The following LPP variants were observed in gnomAD, a reference collection of about 807,000 sequenced individuals.
LPP encodes the protein lipoma-preferred partner.
LPP carries 38 observed loss-of-function variants against 60.4 expected under a neutral mutation model. That is an observed-to-expected ratio of 0.63 (90% CI 0.49 to 0.83). LPP has a LOEUF of 0.83. Among genes scored for constraint, LPP ranks in the 40% least tolerant of loss-of-function variants. The pLI, the probability that LPP is intolerant of heterozygous loss-of-function variation, is 0.00. For synonymous variants in LPP, 328 were observed against 290.8 expected, an observed-to-expected ratio of 1.13 and a Z score of -1.30; for missense variants, 902 against 783.6, an observed-to-expected ratio of 1.15 and a Z score of -1.80.
At chr3:188,607,396 T>TATATATATATAG (rs1560628547) in intron 6 of LPP, among the ~76,000 whole-genome samples, 2 of 30,840 alleles carry the variant, frequency 6.5e-5, no homozygotes, top group African/African-American at 3.0e-4. Context: ...TATATATATA[T>TATATATATATAG]ATATATATAT....
At chr3:188,418,870 T>C (rs1787039326) in intron 4 of LPP, among the ~76,000 whole-genome samples, 1 of 152,202 alleles carries the variant, frequency 6.6e-6, no homozygotes, top group African/African-American at 2.4e-5. Flanking sequence ...CTTAAACTTT[T>C]CAGATATCAG....
At chr3:188,500,591 CCTT>C (rs540742913) in intron 5 of LPP, among the ~76,000 whole-genome samples, 5 of 151,896 alleles carry the variant, frequency 3.3e-5, no homozygotes, top group Non-Finnish European at 7.4e-5. Flanking sequence ...GGAAGTGTTT[CCTT>C]CTTTTTAATT....
chr3:188,798,768 C>T (rs182133011), intron 9 of LPP, among the ~76,000 whole-genome samples: 9 of 118,680 alleles, frequency 7.6e-5, no homozygotes, highest in Admixed American at 5.5e-4. Flanking sequence ...GGGAAGCCCA[C>T]GCTGGGAAGA....
In LPP at chr3:188,736,187, A is replaced by G. The variant is rs186640376; in HGVS notation, c.1241-23926A>G. The stretch of plus-strand genomic sequence containing the variant: ...GAACAGATTTTCTCTGTGCTTTATA[A>G]TAAAACATAAAGATCAATCACAAAA... On this transcript the variant is annotated intron_variant, in intron 8 of 11. Transcript: ENST00000617246. 2.5e-3 allele frequency among the ~76,000 whole-genome samples: 376 copies of G among 152,322 alleles called. 2 individuals carry two copies. The highest frequency in any genetic ancestry group is 3.9e-3 in the Non-Finnish European group (262 of 68,028).
intron 4 of LPP, among the ~76,000 whole-genome samples, chr3:188,413,956 A>G (rs1785506681): frequency 6.6e-6 from 1 of 152,174 alleles, no homozygotes; most frequent in African/African-American, 2.4e-5. Flanking sequence ...TTTTTAAACC[A>G]TAAAATACCT....
At chr3:188,386,264 G>GCACA (rs1277848531) in intron 3 of LPP, among the ~76,000 whole-genome samples, 60 of 99,326 alleles carry the variant, frequency 6.0e-4, no homozygotes, top group South Asian at 2.5e-3. Context: ...TAGCATGCGC[G>GCACA]CACACACACA....
chr3:188,679,964 T>C (rs766851177), intron 7 of LPP, among the ~76,000 whole-genome samples: 3 of 152,192 alleles, frequency 2.0e-5, no homozygotes, highest in Non-Finnish European at 2.9e-5. Context: ...CTAAAGTTCA[T>C]TGGTTTTAAT....
At chr3:188,384,879 G>C (rs1229907446) in intron 3 of LPP, among the ~76,000 whole-genome samples, 1 of 150,316 alleles carries the variant, frequency 6.7e-6, no homozygotes, top group East Asian at 1.9e-4. Context: ...CAGAGAGATA[G>C]AGGCATGCCC....
chr3:188,826,663 ACACCAGCAC>A (rs747109043), intron 9 of LPP, among the ~76,000 whole-genome samples: 1 of 151,798 alleles, frequency 6.6e-6, no homozygotes, highest in Non-Finnish European at 1.5e-5. Context: ...CAAGCTCCCC[ACACCAGCAC>A]CACCAGCATG....
intron 3 of LPP, among the ~76,000 whole-genome samples, chr3:188,385,270 C>T (rs1028170722): frequency 3.9e-5 from 6 of 152,094 alleles, no homozygotes; most frequent in Admixed American, 2.0e-4. Context: ...ATGAACTTTA[C>T]AAAATCTCTT....
At position 188,874,625 on chromosome 3, in the gene LPP, T is replaced by C. The variant is rs1194827446; in HGVS notation, c.*146T>C. On this transcript the variant is annotated 3_prime_UTR_variant, in exon 12 of 12. Transcript: ENST00000617246. ...CCTTAGAAACACATAAATTATGAGA[T>C]TTTTTTTAAAAGTTGTTACCAAATA... The C allele has an allele frequency of 1.1e-6, 1 of 929,152 alleles. No individual in the cohort carries two copies. Among genetic ancestry groups the C allele is most frequent in the East Asian group, 2.7e-5 (1 of 37,696 alleles). The allele number at this position is 929,152 out of a possible 1,614,324, so 57.6% of individuals were successfully genotyped here.
intron 6 of LPP, among the ~76,000 whole-genome samples, chr3:188,566,503 C>A (rs765806968): frequency 6.6e-6 from 1 of 151,782 alleles, no homozygotes; most frequent in Non-Finnish European, 1.5e-5. Flanking sequence ...GGACTCTATT[C>A]GATGATCAAG....
chr3:188,413,266 T>C (rs191021110), intron 4 of LPP, among the ~76,000 whole-genome samples: 7 of 152,316 alleles, frequency 4.6e-5, no homozygotes, highest in Admixed American at 2.0e-4. Flanking sequence ...CTCTGGAGTC[T>C]TATTGTCCTT....
intron 3 of LPP, among the ~76,000 whole-genome samples, chr3:188,379,669 T>G (rs946057420): frequency 1.3e-5 from 2 of 152,246 alleles, no homozygotes; most frequent in Non-Finnish European, 2.9e-5. Flanking sequence ...TCCATACATT[T>G]ATATAAACAT....
In LPP at chr3:188,872,756, G is replaced by A. The variant is rs1352428742; in HGVS notation, c.1703G>A (p.Arg568Gln). The A allele has an allele frequency of 1.2e-6, 2 of 1,614,052 alleles. No individual in the cohort carries two copies. Among genetic ancestry groups the A allele is most frequent in the South Asian group, 2.2e-5 (2 of 91,080 alleles). Reference protein sequence around the residue: ...LDRDFHVHCYRCEDCGGLLSE... With the variant: ...LDRDFHVHCYQCEDCGGLLSE... ...CGAGATTTCCATGTTCACTGCTACC[G>A]ATGCGAGGTCTGGTTGACAGCCCTG... The change falls in exon 11 of 12, where the codon CGA becomes CAA. Residue 568 changes from arginine to glutamine, a missense_variant. Coordinates refer to ENST00000617246, the MANE Select transcript of LPP (RefSeq NM_001375462.1).
intron 4 of LPP, among the ~76,000 whole-genome samples, chr3:188,481,954 G>A (rs776932376): frequency 1.6e-4 from 24 of 152,162 alleles, no homozygotes; most frequent in Non-Finnish European, 2.6e-4. Flanking sequence ...CCCAAATTTC[G>A]TCTTGAATTG....
intron 2 of LPP, among the ~76,000 whole-genome samples, chr3:188,283,063 T>A (rs1742666430): frequency 6.6e-6 from 1 of 152,126 alleles, no homozygotes; most frequent in Admixed American, 6.5e-5. Flanking sequence ...GAGCATGGCT[T>A]TTATGAGCAG....
intron 9 of LPP, among the ~76,000 whole-genome samples, chr3:188,863,034 A>T (rs1452148105): frequency 6.6e-6 from 1 of 152,142 alleles, no homozygotes; most frequent in Non-Finnish European, 1.5e-5. Context: ...CAATTTCTAG[A>T]ATTATCAGTG....
intron 4 of LPP, among the ~76,000 whole-genome samples, chr3:188,449,014 A>T (rs965125800): frequency 8.5e-5 from 13 of 152,234 alleles, no homozygotes; most frequent in African/African-American, 3.1e-4. Context: ...AGATAGCAAA[A>T]AATAGAAAGT....
Sources: allele counts gnomAD v4.1 joint callset (sites outside exome capture counted in the v4.1 genomes callset), GRCh38; gene constraint gnomAD v4.1.1; transcripts MANE v1.5; gene names NCBI Gene and HGNC (gene_info 2026-07-23, HGNC 2026-07-21).